PCDH15: variants seen among roughly 807,000 people sequenced by gnomAD.
PCDH15 encodes protocadherin-15.
Under a neutral mutation model 178.5 loss-of-function variants are expected in PCDH15, and 129 were observed. The ratio of observed to expected loss-of-function variants is 0.72; its 90% CI spans 0.63 to 0.84. The LOEUF (loss-of-function observed/expected upper bound fraction) is 0.84, where lower values mean the gene tolerates loss of function less well. Ranked by LOEUF, PCDH15 falls within the 40% of genes least tolerant of loss-of-function variation. The pLI, the probability that PCDH15 is intolerant of heterozygous loss-of-function variation, is 0.00. For synonymous variants in PCDH15, 800 were observed against 732.0 expected (o/e 1.09, Z -1.50); for missense variants, 2,230 against 2,099.9 (o/e 1.06, Z -1.21).
At chr10:54,171,009 T>A (rs999539730) in intron 13 of PCDH15, among the ~76,000 whole-genome samples, 14 of 152,188 alleles carry the variant, frequency 9.2e-5, no homozygotes, top group African/African-American at 3.4e-4. Flanking sequence ...CTGAGTCAGA[T>A]AACTAAAATA....
intron 2 of PCDH15, among the ~76,000 whole-genome samples, chr10:55,587,338 A>G (rs1449546661): frequency 6.6e-6 from 1 of 152,048 alleles, no homozygotes; most frequent in Non-Finnish European, 1.5e-5. Flanking sequence ...AATGTTGACA[A>G]TATTCATATA....
intron 29 of PCDH15, among the ~76,000 whole-genome samples, chr10:53,835,317 T>C (rs2077243298): frequency 6.6e-6 from 1 of 152,206 alleles, no homozygotes; most frequent in South Asian, 2.1e-4. Flanking sequence ...TGTTTTTAAA[T>C]AGGCTGGATA....
chr10:53,863,922 A>G (rs2079272897), intron 27 of PCDH15, among the ~76,000 whole-genome samples: 1 of 152,176 alleles, frequency 6.6e-6, no homozygotes, highest in Admixed American at 6.5e-5. Context: ...CAGGAGTCAT[A>G]GAAGTGTCCT....
At chr10:53,957,001 CCT>C (rs1179666154) in intron 23 of PCDH15, among the ~76,000 whole-genome samples, 1 of 152,046 alleles carries the variant, frequency 6.6e-6, no homozygotes, top group Non-Finnish European at 1.5e-5. Flanking sequence ...TGAGCAATGC[CCT>C]GTTTCAATTT....
intron 1 of PCDH15, among the ~76,000 whole-genome samples, chr10:54,722,190 C>T (rs1381611933): frequency 6.6e-6 from 1 of 151,616 alleles, no homozygotes; most frequent in Non-Finnish European, 1.5e-5. Context: ...AAACCCTCAA[C>T]AAATTAAACA....
At position 55,588,096 on chromosome 10, in the gene PCDH15, C is replaced by T. The variant is rs375454648; in HGVS notation, c.-156+39529G>A. On this transcript the variant is annotated intron_variant, in intron 2 of 5. Transcript: ENST00000613346. ...GCAACTTGGATCCTCTATTTTAAAG[C>T]GCTTAAAACTTTGATGTAGGAGGTG... 6.6e-5 allele frequency among the ~76,000 whole-genome samples: 10 copies of T among 152,206 alleles called. No individual in the cohort carries two copies. The South Asian group carries it at 1.2e-3, about 19-fold the overall frequency.
intron 3 of PCDH15, among the ~76,000 whole-genome samples, chr10:54,514,225 T>G (rs973821724): frequency 6.6e-6 from 1 of 152,184 alleles, no homozygotes; most frequent in Non-Finnish European, 1.5e-5. Flanking sequence ...TTTTAACTAA[T>G]AGTCAATAAT....
intron 6 of PCDH15, among the ~76,000 whole-genome samples, chr10:54,333,747 G>A (rs1416900151): frequency 4.6e-5 from 7 of 152,066 alleles, no homozygotes; most frequent in East Asian, 1.9e-4. Context: ...CAAAATTCCC[G>A]AAATTCTTGG....
In PCDH15 at chr10:54,483,515, C is replaced by A. The variant is rs952209356; in HGVS notation, c.157+44297G>T. 4.8e-4 allele frequency among the ~76,000 whole-genome samples: 72 copies of A among 151,512 alleles called. 1 individual carries two copies. Among genetic ancestry groups the A allele is most frequent in the African/African-American group, 1.6e-3 (68 of 41,314 alleles). ...AATACTTCTCATTCTCTTGTAATTT[C>A]TTTTTTTATTAAATTGAGATTCTCA... On this transcript the variant is annotated intron_variant, in intron 3 of 37. Coordinates refer to ENST00000644397, the MANE Select transcript of PCDH15 (RefSeq NM_001384140.1).
At position 54,389,969 on chromosome 10, in the gene PCDH15, C is replaced by T. The variant is rs573640067; in HGVS notation, c.158-11027G>A. On this transcript the variant is annotated intron_variant, in intron 3 of 37. Coordinates refer to ENST00000644397, the MANE Select transcript of PCDH15 (RefSeq NM_001384140.1). The stretch of plus-strand genomic sequence containing the variant: ...AAATAAAATAAAATAAAATAGCCAT[C>T]CATATCATTCTGATGCTTGTTGAAA... 6.6e-5 allele frequency among the ~76,000 whole-genome samples: 10 copies of T among 151,944 alleles called. No homozygotes were observed. In the South Asian group the frequency reaches 2.1e-3, roughly 32 times the overall value.
rs985952641 is a variant in PCDH15, at chr10:55,605,394, T to A, written c.-156+22231A>T. Among the ~76,000 whole-genome samples, 41 of 151,118 alleles carry A rather than the reference T, an allele frequency of 2.7e-4. No individual in the cohort carries two copies. The South Asian group carries it at 3.3e-3, about 12-fold the overall frequency. On this transcript the variant is annotated intron_variant, in intron 2 of 5. Transcript: ENST00000613346. ...AGAGGGAATCCTCCCTAACTCATTTTATGAGGCCAGCATCATTCTGATACC... is the reference window on the plus strand; with the variant it reads ...AGAGGGAATCCTCCCTAACTCATTTAATGAGGCCAGCATCATTCTGATACC...
chr10:54,401,042 C>G (rs1951870696), intron 3 of PCDH15, among the ~76,000 whole-genome samples: 1 of 151,752 alleles, frequency 6.6e-6, no homozygotes, highest in Non-Finnish European at 1.5e-5. Context: ...TTTTCGAAAC[C>G]ATTCATAATT....
At chr10:55,335,143 A>G (rs866703838) in intron 2 of PCDH15, among the ~76,000 whole-genome samples, 46 of 152,250 alleles carry the variant, frequency 3.0e-4, no homozygotes, top group Middle Eastern at 6.8e-3. Context: ...TAAGGACAAA[A>G]CCCAGAAGTG....
intron 3 of PCDH15, among the ~76,000 whole-genome samples, chr10:54,477,432 A>T (rs2078351779): frequency 6.6e-6 from 1 of 152,092 alleles, no homozygotes; most frequent in Non-Finnish European, 1.5e-5. Context: ...ACTCATCATG[A>T]TGTGCTAGAA....
chr10:54,115,792 C>T (rs2095103008), intron 15 of PCDH15, among the ~76,000 whole-genome samples: 1 of 152,184 alleles, frequency 6.6e-6, no homozygotes, highest in African/African-American at 2.4e-5. Context: ...TCAAAGTCTG[C>T]TTCCCAGAAA....
chr10:55,037,464 C>T (rs1035502326), intron 2 of PCDH15, among the ~76,000 whole-genome samples: 8 of 152,146 alleles, frequency 5.3e-5, no homozygotes, highest in African/African-American at 1.7e-4. Context: ...GAACTGCTGA[C>T]CTCGTGATGC....
intron 3 of PCDH15, among the ~76,000 whole-genome samples, chr10:54,479,939 C>T (rs2078587892): frequency 1.3e-5 from 2 of 152,036 alleles, no homozygotes; most frequent in Admixed American, 6.6e-5. Flanking sequence ...AGAAAAAACT[C>T]TTGAGTCTGT....
At chr10:55,500,728 C>T (rs1840639184) in intron 2 of PCDH15, among the ~76,000 whole-genome samples, 1 of 151,716 alleles carries the variant, frequency 6.6e-6, no homozygotes, top group Non-Finnish European at 1.5e-5. Flanking sequence ...TTGGGCAACC[C>T]ATGTGAACTT....
intron 2 of PCDH15, among the ~76,000 whole-genome samples, chr10:54,915,667 T>A (rs1265495403): frequency 6.6e-6 from 1 of 152,074 alleles, no homozygotes; most frequent in East Asian, 1.9e-4. Context: ...GTTTTGAAAA[T>A]CAAGTATATT....
Sources: gnomAD v4.1 joint callset for allele counts (sites outside exome capture counted in the v4.1 genomes callset) on GRCh38, gnomAD v4.1.1 for gene constraint, MANE v1.5 for transcripts, NCBI Gene and HGNC (gene_info 2026-07-23, HGNC 2026-07-21) for gene names.